The following RBFOX3 variants were observed in gnomAD, a reference collection of about 807,000 sequenced individuals.
RBFOX3 encodes the protein RNA binding protein fox-1 homolog 3.
Under a neutral mutation model 48.7 loss-of-function variants are expected in RBFOX3, and 17 were observed. The ratio of observed to expected loss-of-function variants is 0.35; its 90% CI spans 0.24 to 0.52. RBFOX3 has a LOEUF of 0.52. Among genes scored for constraint, RBFOX3 ranks in the 20% least tolerant of loss-of-function variants. The pLI, the probability that RBFOX3 is intolerant of heterozygous loss-of-function variation, is 0.94. For missense variants in RBFOX3, 382 were observed against 497.5 expected (o/e 0.77, Z 2.21); for synonymous variants, 212 against 209.5 (o/e 1.01, Z -0.10).
chr17:79,578,738 G>C (rs1029758420), intron 1 of RBFOX3, among the ~76,000 whole-genome samples: 1 of 152,380 alleles, frequency 6.6e-6, no homozygotes, highest in East Asian at 1.9e-4. Flanking sequence ...AGGAAGTGCA[G>C]CTTCTTCCAG....
chr17:79,516,785 G>A (rs1023139511), intron 1 of RBFOX3, among the ~76,000 whole-genome samples: 29 of 152,324 alleles, frequency 1.9e-4, no homozygotes, highest in East Asian at 1.7e-3. Context: ...GACGCGATGC[G>A]CTGGAACGAT....
chr17:79,511,264 G>A (rs1385135312), intron 1 of RBFOX3, among the ~76,000 whole-genome samples: 1 of 152,180 alleles, frequency 6.6e-6, no homozygotes, highest in African/African-American at 2.4e-5. Flanking sequence ...CCGCTTAGAC[G>A]AAACTCTGTG....
At chr17:79,357,514 C>G (rs1316230577) in intron 2 of RBFOX3, among the ~76,000 whole-genome samples, 1 of 152,080 alleles carries the variant, frequency 6.6e-6, no homozygotes, top group African/African-American at 2.4e-5. Flanking sequence ...GCCTGTAGTC[C>G]CAGCTACTTG....
rs546662253 is a variant in RBFOX3 at position 79,100,691 on chromosome 17, C to T, written c.568+893G>A. Reference sequence around the variant, plus strand: ...GCAGCGCTGAGGCTTCTAAGGGGTCCGAGTGGGAAGCTGCTCCCTGGCAGG... The same window carrying T: ...GCAGCGCTGAGGCTTCTAAGGGGTCTGAGTGGGAAGCTGCTCCCTGGCAGG... On this transcript the variant is annotated intron_variant, in intron 9 of 14. Transcript: ENST00000693108. 5.3e-5 allele frequency among the ~76,000 whole-genome samples: 8 copies of T among 152,318 alleles called. No homozygotes were observed. The East Asian group carries it at 7.7e-4, about 15-fold the overall frequency.
intron 2 of RBFOX3, among the ~76,000 whole-genome samples, chr17:79,339,864 C>T (rs1399940480): frequency 1.3e-5 from 2 of 152,180 alleles, no homozygotes; most frequent in Admixed American, 1.3e-4. Flanking sequence ...TTTCTAGCAC[C>T]TACATTCTAC....
rs1184034034 is a variant in RBFOX3 at position 79,205,788 on chromosome 17, T to C, written c.-34+29978A>G. 6.6e-6 allele frequency among the ~76,000 whole-genome samples: 1 copy of C among 151,714 alleles called. No homozygotes were observed. Among genetic ancestry groups the C allele is most frequent in the African/African-American group, 2.4e-5 (1 of 41,280 alleles). ...ATTACTTGGTATATGGTGATTGATA[T>C]GGAAAATGTATTTTCCAGTCCATGT... On this transcript the variant is annotated intron_variant, in intron 4 of 14. Coordinates refer to ENST00000693108, the MANE Select transcript of RBFOX3 (RefSeq NM_001350451.2). The surrounding 1 kb of genome is among the most constrained non-coding windows in gnomAD (Gnocchi z 4.5).
chr17:79,125,444 C>T (rs913018419), intron 4 of RBFOX3, among the ~76,000 whole-genome samples: 1 of 152,246 alleles, frequency 6.6e-6, no homozygotes, highest in Non-Finnish European at 1.5e-5. Flanking sequence ...CTGCCCACGT[C>T]GCTGGCCCAG....
chr17:79,467,540 A>T (rs999590904), intron 2 of RBFOX3, among the ~76,000 whole-genome samples: 8 of 152,030 alleles, frequency 5.3e-5, no homozygotes, highest in Non-Finnish European at 8.8e-5. Context: ...TGTGGCCAGC[A>T]CTCCTGGGCC....
chr17:79,121,154 C>T (rs1046775615), intron 4 of RBFOX3, among the ~76,000 whole-genome samples: 1 of 152,136 alleles, frequency 6.6e-6, no homozygotes, highest in Non-Finnish European at 1.5e-5. Context: ...GTCACCTACA[C>T]CAGGCCCTCC....
intron 1 of RBFOX3, among the ~76,000 whole-genome samples, chr17:79,493,349 G>C (rs774884888): frequency 7.9e-4 from 121 of 152,254 alleles, no homozygotes; most frequent in Non-Finnish European, 1.5e-3. Context: ...GTTGGAGGGG[G>C]ACACACATCC....
chr17:79,398,199 C>T (rs188638273), intron 2 of RBFOX3, among the ~76,000 whole-genome samples: 46 of 152,212 alleles, frequency 3.0e-4, no homozygotes, highest in African/African-American at 1.1e-3. Flanking sequence ...TGCTGGGCCT[C>T]GGGAGGCTCA....
intron 2 of RBFOX3, among the ~76,000 whole-genome samples, chr17:79,319,558 G>C (rs1277746084): frequency 6.6e-6 from 1 of 152,234 alleles, no homozygotes; most frequent in Non-Finnish European, 1.5e-5. Context: ...TGGGCTGCTG[G>C]TCTTGTATGG....
chr17:79,425,330 G>A (rs1425146189), intron 2 of RBFOX3, among the ~76,000 whole-genome samples: 2 of 152,180 alleles, frequency 1.3e-5, no homozygotes, highest in African/African-American at 2.4e-5. Context: ...CCTCTGCAGT[G>A]GGGAGGGCCT....
intron 3 of RBFOX3, among the ~76,000 whole-genome samples, chr17:79,279,458 C>T (rs889531124): frequency 5.9e-5 from 9 of 152,184 alleles, no homozygotes; most frequent in African/African-American, 1.4e-4. Flanking sequence ...ACCACCCTCA[C>T]GGCACAGCAT....
the RBFOX3 span, among the ~76,000 whole-genome samples, chr17:79,661,692 A>T: frequency 6.6e-6 from 1 of 152,154 alleles, no homozygotes; most frequent in Admixed American, 6.5e-5. Flanking sequence ...TTCCAAAGTG[A>T]TTGTTCCCAT....
chr17:79,360,650 C>A (rs893476074), intron 2 of RBFOX3, among the ~76,000 whole-genome samples: 2 of 152,114 alleles, frequency 1.3e-5, no homozygotes, highest in African/African-American at 4.8e-5. Context: ...TTAAAAAAAA[C>A]TAGCCAGGAA....
rs527724783 is a variant in RBFOX3, at chr17:79,243,564, A to T, written c.-73-7759T>A. 6.6e-6 allele frequency among the ~76,000 whole-genome samples: 1 copy of T among 152,184 alleles called. No individual in the cohort carries two copies. Among genetic ancestry groups the T allele is most frequent in the African/African-American group, 2.4e-5 (1 of 41,508 alleles). ...ATTAGAGGTTCTGTCTGGTGGGATG[A>T]GGTCTGCAGGCACCTGGCTGCCCTC... On this transcript the variant is annotated intron_variant, in intron 3 of 14. Coordinates refer to ENST00000693108, the MANE Select transcript of RBFOX3 (RefSeq NM_001350451.2). This position sits in a 1 kb window ranked among gnomAD's most constrained non-coding sequence, Gnocchi z 7.9.
intron 2 of RBFOX3, among the ~76,000 whole-genome samples, chr17:79,337,846 T>G (rs2081431951): frequency 6.6e-6 from 1 of 152,188 alleles, no homozygotes; most frequent in African/African-American, 2.4e-5. Flanking sequence ...CACAGAGTTC[T>G]TATAGCCTAC....
intron 4 of RBFOX3, among the ~76,000 whole-genome samples, chr17:79,118,839 T>C (rs1363650025): frequency 6.7e-6 from 1 of 150,370 alleles, no homozygotes; most frequent in East Asian, 1.9e-4. Flanking sequence ...TAGCCAGGTG[T>C]GGTGGCACAT....
Sources: gnomAD v4.1 joint callset for allele counts (sites outside exome capture counted in the v4.1 genomes callset) on GRCh38, gnomAD v4.1.1 for gene constraint, Gnocchi (gnomAD v3.1) non-coding constraint, MANE v1.5 for transcripts, NCBI Gene and HGNC (gene_info 2026-07-23, HGNC 2026-07-21) for gene names.